The following IFI16 variants were observed in gnomAD, a reference collection of about 807,000 sequenced individuals.
IFI16 encodes interferon gamma inducible protein 16, also known as gamma-interferon-inducible protein 16.
A neutral mutation model predicts 68.4 loss-of-function variants in IFI16; 49 were observed. That is an observed-to-expected ratio of 0.72 (90% confidence interval 0.57 to 0.91). IFI16 has a LOEUF of 0.91. IFI16 is among the 40% of genes least tolerant of loss of function. The pLI, the probability that IFI16 is intolerant of heterozygous loss-of-function variation, is 0.00. For synonymous variants in IFI16, 307 were observed against 315.0 expected (o/e 0.97, Z 0.27); for missense variants, 878 against 942.9 (o/e 0.93, Z 0.90).
At chr1:159,015,811 G>T in intron 2 of IFI16, 61 bp from the exon 3 acceptor site, 1 of 1,231,952 alleles carries the variant, frequency 8.1e-7, no homozygotes, top group South Asian at 1.2e-5. Flanking sequence ...AGCTGTCGGA[G>T]ATCGTTTATA....
intron 10 of IFI16, chr1:159,053,246 TC>T (rs1455532588): frequency 1.3e-5 from 3 of 237,744 alleles, no homozygotes; most frequent in African/African-American, 6.8e-5. Context: ...CCTTAAAAAA[TC>T]CCAGCTGTGC....
At chr1:159,007,533 G>T (rs1287098935), upstream of IFI16, among the ~76,000 whole-genome samples, 1 of 152,130 alleles carries the variant, frequency 6.6e-6, no homozygotes, top group Non-Finnish European at 1.5e-5. Flanking sequence ...CTAGTTTTTA[G>T]AAAATAGCTT....
intron 9 of IFI16, among the ~76,000 whole-genome samples, chr1:159,050,707 C>T (rs959571969): frequency 2.6e-5 from 4 of 152,100 alleles, no homozygotes; most frequent in African/African-American, 9.7e-5. Flanking sequence ...TGCTCTCCTA[C>T]AACTCAGAAA....
chr1:159,044,714 T>C (rs1429109531), intron 7 of IFI16, among the ~76,000 whole-genome samples: 1 of 152,170 alleles, frequency 6.6e-6, no homozygotes, highest in African/African-American at 2.4e-5. Flanking sequence ...AGGTGGAATA[T>C]TAAATTCTTC....
chr1:159,025,292 A>C (rs1334951888), intron 6 of IFI16, among the ~76,000 whole-genome samples: 1 of 152,106 alleles, frequency 6.6e-6, no homozygotes, highest in Non-Finnish European at 1.5e-5. Flanking sequence ...CTTGGGGATG[A>C]GGGGCATTGT....
chr1:159,010,449 GT>G, intron 1 of IFI16, among the ~76,000 whole-genome samples: 1 of 152,292 alleles, frequency 6.6e-6, no homozygotes, highest in South Asian at 2.1e-4. Flanking sequence ...GCATAAGTTG[GT>G]ACTTAGAAGA....
At chr1:159,026,475 C>A (rs1054710072) in intron 6 of IFI16, among the ~76,000 whole-genome samples, 1 of 151,492 alleles carries the variant, frequency 6.6e-6, no homozygotes, top group African/African-American at 2.4e-5. Flanking sequence ...ATTTTTGTAT[C>A]TTTAGTAGAG....
At chr1:159,045,966 T>C (rs1231128531) in intron 8 of IFI16, among the ~76,000 whole-genome samples, 1 of 144,394 alleles carries the variant, frequency 6.9e-6, no homozygotes, top group African/African-American at 2.6e-5. Context: ...ATTATGTATA[T>C]ACAAAGAGTC....
Position 159,032,562 on chromosome 1 carries a change from G to C in IFI16, c.1200G>C (p.Lys400Asn), listed in dbSNP as rs1456438955. 6.2e-7 allele frequency: 1 copy of C among 1,609,288 alleles called. No individual in the cohort carries two copies. Among genetic ancestry groups the C allele is most frequent in the Admixed American group, 1.7e-5 (1 of 58,970 alleles). ...KKTNPRNNDP[K>N]SMKLPQEQRQ... ...CAAACCCGAGAAACAATGACCCCAAGAGCATGAAGCTACCCCAGGAACAGC... is the reference window on the plus strand; with the variant it reads ...CAAACCCGAGAAACAATGACCCCAACAGCATGAAGCTACCCCAGGAACAGC... The change falls in exon 7 of 12, where the codon AAG becomes AAC. Residue 400 changes from lysine (K) to asparagine (N), a missense_variant. Lys to Asn is a moderately conservative substitution (Grantham distance 94). This residue lies in a region of IFI16 where 443 missense variants were observed against 421.8 expected (regional missense o/e 1.05). Coordinates refer to ENST00000295809, the MANE Select transcript of IFI16 (RefSeq NM_001376587.1).
intron 6 of IFI16, among the ~76,000 whole-genome samples, chr1:159,030,801 C>A (rs1433295040): frequency 6.7e-6 from 1 of 149,608 alleles, no homozygotes; most frequent in African/African-American, 2.5e-5. Context: ...AGAGCATCAG[C>A]TGCAATAGTA....
At chr1:159,001,901 T>A (rs75866679), upstream of IFI16, among the ~76,000 whole-genome samples, 6,736 of 152,288 alleles carry the variant, frequency 0.044, 396 homozygotes, top group East Asian at 0.26. Flanking sequence ...TGGCTTCATG[T>A]CCCAGGGGTG....
At chr1:159,024,147 A>G (rs1653506104) in intron 6 of IFI16, among the ~76,000 whole-genome samples, 1 of 152,140 alleles carries the variant, frequency 6.6e-6, no homozygotes, top group South Asian at 2.1e-4. Flanking sequence ...CCAGCCAGGC[A>G]TTTGCATCTT....
Position 159,032,505 on chromosome 1 carries a change from AG to A in IFI16, c.1162-18del, listed in dbSNP as rs1654057587. The A allele has an allele frequency of 6.6e-7, 1 of 1,517,464 alleles. No homozygotes were observed. 94.0% of individuals were successfully genotyped at this position (1,517,464 alleles called of 1,614,324 possible). On this transcript the variant is annotated intron_variant, in intron 6 of 11. Coordinates refer to ENST00000295809, the MANE Select transcript of IFI16 (RefSeq NM_001376587.1). Reference sequence around the variant, plus strand: ...CCTCTAATATTGAAAACCATTAAACAGAAAATGAATACTTTCAGATAAAGAA... The same window carrying A: ...CCTCTAATATTGAAAACCATTAAACAAAAATGAATACTTTCAGATAAAGAA...
chr1:159,055,065 A>T lies in IFI16; in HGVS notation c.*164A>T, dbSNP rs1326301116. The T allele has an allele frequency of 2.4e-6, 1 of 408,338 alleles. No individual in the cohort carries two copies. The highest frequency in any genetic ancestry group is 4.5e-6 in the Non-Finnish European group (1 of 223,636). 25.3% of individuals were successfully genotyped at this position (408,338 alleles called of 1,614,324 possible). A position where few individuals can be genotyped will look rare whatever the true frequency, so the allele number is the denominator to read the frequency against. On this transcript the variant is annotated 3_prime_UTR_variant, in exon 12 of 12. Transcript: ENST00000295809. ...ATTGGGAGTGCTTTTTTAATTTTTC[A>T]TAGTTTTTTTTTAATAAAATGGCAT...
intron 1 of IFI16, among the ~76,000 whole-genome samples, chr1:159,013,315 C>G (rs1399875607): frequency 6.6e-6 from 1 of 151,774 alleles, no homozygotes. Context: ...ACTGCAAGCG[C>G]TTGCCACCAC....
At chr1:159,021,816 A>G (rs1466705237) in intron 6 of IFI16, among the ~76,000 whole-genome samples, 4 of 151,408 alleles carry the variant, frequency 2.6e-5, no homozygotes, top group Non-Finnish European at 5.9e-5. Context: ...ATGTGGCATC[A>G]TTTTGTGGTT....
In IFI16 at chr1:159,020,475, TAGAAAAA is replaced by T; in HGVS notation, c.1112_1118del (p.Lys371ThrfsTer6). On this transcript the variant is annotated frameshift_variant, in exon 6 of 12. Transcript: ENST00000295809. LOFTEE classifies it high-confidence loss of function. Reference sequence around the variant, plus strand: ...AGCTCCAACTTTTCTGCTTTCGACTTAGAAAAAAGAACCAGATGTCAAAACTGATTTC... The same window carrying T: ...AGCTCCAACTTTTCTGCTTTCGACTTAGAACCAGATGTCAAAACTGATTTC... 1 of 1,613,472 alleles carries T rather than the reference TAGAAAAA, an allele frequency of 6.2e-7. No homozygotes were observed. The highest frequency in any genetic ancestry group is 8.5e-7 in the Non-Finnish European group (1 of 1,179,632).
intron 6 of IFI16, among the ~76,000 whole-genome samples, chr1:159,029,245 T>C (rs1653849028): frequency 6.6e-6 from 1 of 152,214 alleles, no homozygotes; most frequent in African/African-American, 2.4e-5. Context: ...ATCTTTCATT[T>C]ATGAAGCTTA....
In IFI16 at chr1:159,030,884, C is replaced by T. The variant is rs987143945; in HGVS notation, c.1162-1640C>T. Among the ~76,000 whole-genome samples the T allele has an allele frequency of 2.4e-5, 3 of 127,192 alleles. No individual in the cohort carries two copies. In the East Asian group the frequency reaches 6.8e-4, roughly 29 times the overall value. 83.4% of individuals were successfully genotyped at this position (127,192 alleles called of 152,430 possible). A position where few individuals can be genotyped will look rare whatever the true frequency, so the allele number is the denominator to read the frequency against. On this transcript the variant is annotated intron_variant, in intron 6 of 11. Transcript: ENST00000295809. ...GTTTCTCAGGTGGTGGGTGGGGGGG[C>T]CACAGAGCTCCCAAGAGATTATGTC...
Sources: gnomAD v4.1 joint callset for allele counts (sites outside exome capture counted in the v4.1 genomes callset) on GRCh38, gnomAD v4.1.1 for gene constraint, gnomAD v4.1.1 regional missense constraint, MANE v1.5 for transcripts, NCBI Gene and HGNC (gene_info 2026-07-23, HGNC 2026-07-21) for gene names.